Variants in WRN observed in about 807,000 individuals in gnomAD.
WRN encodes the protein WRN RecQ like helicase, also known as bifunctional 3'-5' exonuclease/ATP-dependent helicase WRN.
A neutral mutation model predicts 180.7 loss-of-function variants in WRN; 149 were observed. That is an observed-to-expected ratio of 0.82 (90% CI 0.72 to 0.94). WRN has a LOEUF of 0.94. Ranked by LOEUF, WRN falls within the 40% of genes least tolerant of loss-of-function variation. The probability of loss-of-function intolerance (pLI) is 0.00; values close to 1 mark genes in which losing one functional copy is unlikely to be tolerated. For synonymous variants in WRN, 548 were observed against 568.9 expected (o/e 0.96, Z 0.52); for missense variants, 1,661 against 1,700.1 (o/e 0.98, Z 0.40).
chr8:31,117,769 T>C (rs1801577098), intron 20 of WRN, among the ~76,000 whole-genome samples: 2 of 152,152 alleles, frequency 1.3e-5, no homozygotes, highest in African/African-American at 4.8e-5. Context: ...GTCTATAAAG[T>C]TCACTACACA....
chr8:31,096,703 T>C (rs1440501216), intron 16 of WRN, 65 bp from the exon 17 acceptor site: 1 of 1,285,692 alleles, frequency 7.8e-7, no homozygotes, highest in African/African-American at 1.5e-5. Context: ...ATTGTTTTCT[T>C]TATTGTTAAT....
intron 11 of WRN, among the ~76,000 whole-genome samples, chr8:31,085,891 G>A (rs1242744214): frequency 2.0e-5 from 3 of 151,664 alleles, no homozygotes; most frequent in Non-Finnish European, 2.9e-5. Context: ...ATTTTTATTT[G>A]GAAGTTTTGT....
chr8:31,150,832 GT>G (rs1803094258), intron 31 of WRN, among the ~76,000 whole-genome samples: 1 of 152,162 alleles, frequency 6.6e-6, no homozygotes, highest in Non-Finnish European at 1.5e-5. Flanking sequence ...CTTTCTTTTG[GT>G]TTAGCATCTT....
At chr8:31,057,881 A>C (rs1812336346) in intron 1 of WRN, among the ~76,000 whole-genome samples, 2 of 152,182 alleles carry the variant, frequency 1.3e-5, no homozygotes, top group South Asian at 4.1e-4. Flanking sequence ...TCCTCTAAAA[A>C]ACTCATTCTT....
In WRN at chr8:31,174,231, CCATGGCTT is replaced by C. The variant is rs777858087; in HGVS notation, c.*1131_*1138del. ...AAATATGTGATATGTTGTTGTCCAG[CCATGGCTT>C]CTGCATTTGCATGCTTTTGTGTGTG... On this transcript the variant is annotated 3_prime_UTR_variant, in exon 35 of 35. Transcript: ENST00000298139. 5.3e-5 allele frequency among the ~76,000 whole-genome samples: 8 copies of C among 152,308 alleles called. No individual in the cohort carries two copies. Among genetic ancestry groups the C allele is most frequent in the Middle Eastern group, 3.4e-3 (1 of 294 alleles).
rs71206299 is a variant in WRN at position 31,125,537 on chromosome 8, G to GATATATATATATATATATATATATAT, written c.2825+544_2825+569dup. Among the ~76,000 whole-genome samples the GATATATATATATATATATATATATAT allele has an allele frequency of 7.1e-3, 453 of 63,638 alleles. 33 individuals carry two copies. The highest frequency in any genetic ancestry group is 9.1e-3 in the Non-Finnish European group (301 of 32,960). The allele number at this position is 63,638 out of a possible 152,430, so 41.7% of individuals were successfully genotyped here. A position where few individuals can be genotyped will look rare whatever the true frequency, so the allele number is the denominator to read the frequency against. On this transcript the variant is annotated intron_variant, in intron 23 of 34. Transcript: ENST00000298139. ...GAAATAGGACGATTGATATTATGGA[G>GATATATATATATATATATATATATAT]ATATATATATATATATATATATATA...
intron 15 of WRN, 134 bp downstream of exon 15, chr8:31,091,076 A>G (rs1410522262): frequency 6.7e-6 from 5 of 751,056 alleles, no homozygotes; most frequent in Non-Finnish European, 1.2e-5. Flanking sequence ...CTTTATTGGT[A>G]ATAAATGACC....
At chr8:31,043,110 G>T (rs1443901909) in intron 1 of WRN, among the ~76,000 whole-genome samples, 1 of 152,194 alleles carries the variant, frequency 6.6e-6, no homozygotes, top group East Asian at 1.9e-4. Flanking sequence ...TTCACTCAGG[G>T]ATCCGACTAT....
At position 31,157,423 on chromosome 8, in the gene WRN, C is replaced by A. The variant is rs142614369; in HGVS notation, c.3875C>A (p.Ser1292Tyr). Reference protein sequence around the residue: ...LPLMTIGMHLSQAVKAGCPLD... With the variant: ...LPLMTIGMHLYQAVKAGCPLD... ...CTCATGACAATTGGCATGCACTTAT[C>A]CCAAGCGGTGAAAGCTGGCTGCCCC... is the stretch of plus-strand genomic sequence containing the variant. Residue 1292 changes from serine to tyrosine, a missense_variant, in exon 33 of 35, where the codon TCC becomes TAC. This residue lies in a region of WRN where 1,141 missense variants were observed against 1,149.4 expected (regional missense o/e 0.99). Transcript: ENST00000298139. The A allele has an allele frequency of 2.0e-3, 3,148 of 1,614,126 alleles. 2 individuals carry two copies. The highest frequency in any genetic ancestry group is 2.4e-3 in the Non-Finnish European group (2,872 of 1,180,028).
chr8:31,119,284 A>G (rs558043151), intron 20 of WRN, among the ~76,000 whole-genome samples: 2 of 152,038 alleles, frequency 1.3e-5, no homozygotes, highest in African/African-American at 2.4e-5. Context: ...TCTTACAGTA[A>G]AAAACTTCAA....
Position 31,090,852 on chromosome 8 carries a change from G to A in WRN, c.1739G>A (p.Cys580Tyr). Residue 580 changes from cysteine to tyrosine, a missense_variant, in exon 15 of 35, where the codon TGC becomes TAC. Around this residue, in one of 3 missense-constraint regions of WRN, gnomAD observed 1,141 missense variants for 1,149.4 expected, o/e 0.99. Transcript: ENST00000298139. ...TTTCAAGGATATGGAAAGAGTTTGT[G>A]CTTCCAGTATCCACCTGTTTATGTA... is the stretch of plus-strand genomic sequence containing the variant. ...VMATGYGKSL[C>Y]FQYPPVYVGK... 2.5e-6 allele frequency: 4 copies of A among 1,609,702 alleles called. No individual in the cohort carries two copies. In the South Asian group the frequency reaches 4.4e-5, roughly 18 times the overall value.
intron 1 of WRN, among the ~76,000 whole-genome samples, chr8:31,044,035 A>G (rs538376688): frequency 6.6e-6 from 1 of 151,136 alleles, no homozygotes; most frequent in South Asian, 2.1e-4. Context: ...ATAGAATTTC[A>G]TTTTCTTTTT....
In WRN at chr8:31,077,240, G is replaced by T. The variant is rs112958835; in HGVS notation, c.839+953G>T. Among the ~76,000 whole-genome samples the T allele has an allele frequency of 3.2e-3, 492 of 152,090 alleles. 2 individuals are homozygous for T. The highest frequency in any genetic ancestry group is 0.011 in the African/African-American group (458 of 41,498). On this transcript the variant is annotated intron_variant, in intron 8 of 34. Coordinates refer to ENST00000298139, the MANE Select transcript of WRN (RefSeq NM_000553.6). ...AATGCAACTTGGACAATTTCTGAAA[G>T]ATGTAACTTTCTTTTTTTTGAGACG...
chr8:31,140,988 C>T (rs774573621), intron 24 of WRN, among the ~76,000 whole-genome samples: 3 of 152,058 alleles, frequency 2.0e-5, no homozygotes, highest in Non-Finnish European at 4.4e-5. Flanking sequence ...ATCTCCTGAC[C>T]TCGTGATCTG....
intron 30 of WRN, among the ~76,000 whole-genome samples, chr8:31,149,168 C>T (rs1397870340): frequency 6.6e-6 from 1 of 151,988 alleles, no homozygotes. Flanking sequence ...GAGGCCGAGG[C>T]GGGCGGATCA....
chr8:31,112,362 T>C (rs1236052157), intron 19 of WRN, among the ~76,000 whole-genome samples: 2 of 152,198 alleles, frequency 1.3e-5, no homozygotes, highest in Non-Finnish European at 2.9e-5. Flanking sequence ...AAAGGTCACC[T>C]TACAAACACA....
Position 31,039,403 on chromosome 8 carries a change from A to T in WRN, c.-77+5430A>T, listed in dbSNP as rs563630979. 4.0e-5 allele frequency among the ~76,000 whole-genome samples: 6 copies of T among 151,296 alleles called. 1 individual carries two copies. Among genetic ancestry groups the T allele is most frequent in the African/African-American group, 1.5e-4 (6 of 41,240 alleles). ...GTGTATAACAACAGCTGATATTTCAACGTTGATGTTGTACTCTGAAACTTT... is the reference window on the plus strand; with the variant it reads ...GTGTATAACAACAGCTGATATTTCATCGTTGATGTTGTACTCTGAAACTTT... On this transcript the variant is annotated intron_variant, in intron 1 of 34. Transcript: ENST00000298139.
intron 1 of WRN, among the ~76,000 whole-genome samples, chr8:31,038,193 C>T (rs1039268517): frequency 1.3e-5 from 2 of 151,964 alleles, no homozygotes; most frequent in African/African-American, 4.8e-5. Flanking sequence ...TCCATGGGAG[C>T]AGTGTACAAG....
intron 17 of WRN, among the ~76,000 whole-genome samples, chr8:31,098,969 C>A (rs1301089744): frequency 6.6e-6 from 1 of 151,662 alleles, no homozygotes; most frequent in Non-Finnish European, 1.5e-5. Context: ...TTGCTTGAAC[C>A]CAGGAGTTCG....
Sources: gnomAD v4.1 joint callset for allele counts (sites outside exome capture counted in the v4.1 genomes callset) on GRCh38, gnomAD v4.1.1 for gene constraint, gnomAD v4.1.1 regional missense constraint, MANE v1.5 for transcripts, NCBI Gene and HGNC (gene_info 2026-07-23, HGNC 2026-07-21) for gene names.